The following LSAMP variants were observed in gnomAD, a reference collection of about 807,000 sequenced individuals.
LSAMP encodes limbic system associated membrane protein.
LSAMP carries 7 observed loss-of-function variants against 38.6 expected under a neutral mutation model. The observed-to-expected ratio is 0.18, with a 90% CI of 0.10 to 0.34. LSAMP has a LOEUF of 0.34. LSAMP is among the 10% of genes least tolerant of loss of function. The probability of loss-of-function intolerance (pLI) is 1.00; values close to 1 mark genes in which losing one functional copy is unlikely to be tolerated. For synonymous variants in LSAMP, 154 were observed against 166.8 expected (o/e 0.92, Z 0.59); for missense variants, 313 against 420.0 (o/e 0.75, Z 2.23).
At chr3:115,909,964 G>A (rs936862167) in intron 3 of LSAMP, among the ~76,000 whole-genome samples, 1 of 152,052 alleles carries the variant, frequency 6.6e-6, no homozygotes, top group Non-Finnish European at 1.5e-5. Flanking sequence ...GTTATTTTGG[G>A]CTTGCAAATT....
At chr3:116,411,046 C>G (rs1436059985) in intron 1 of LSAMP, among the ~76,000 whole-genome samples, 1 of 152,060 alleles carries the variant, frequency 6.6e-6, no homozygotes, top group Non-Finnish European at 1.5e-5. Context: ...CACTGGCCAT[C>G]AGAGAAATGC....
chr3:116,329,117 G>A (rs1286101326), intron 1 of LSAMP, among the ~76,000 whole-genome samples: 3 of 152,146 alleles, frequency 2.0e-5, no homozygotes, highest in African/African-American at 7.2e-5. Context: ...TTGCCTGTAG[G>A]TAGAATTTAA....
At chr3:115,827,789 T>C (rs1189682137) in intron 6 of LSAMP, among the ~76,000 whole-genome samples, 1 of 152,132 alleles carries the variant, frequency 6.6e-6, no homozygotes. Context: ...TCTCAGTACA[T>C]AGGAACACCT....
chr3:115,996,797 A>C (rs950987895), intron 3 of LSAMP, among the ~76,000 whole-genome samples: 1 of 152,090 alleles, frequency 6.6e-6, no homozygotes, highest in Non-Finnish European at 1.5e-5. Context: ...GGCTCCCTTC[A>C]AGTTATCAAG....
chr3:116,003,024 T>G (rs572562290), intron 3 of LSAMP, among the ~76,000 whole-genome samples: 1 of 152,100 alleles, frequency 6.6e-6, no homozygotes, highest in Non-Finnish European at 1.5e-5. Flanking sequence ...CTTCAGAAAT[T>G]TTAATGGAGG....
At chr3:116,435,181 G>C (rs1040175041) in intron 1 of LSAMP, among the ~76,000 whole-genome samples, 1 of 152,076 alleles carries the variant, frequency 6.6e-6, no homozygotes, top group Non-Finnish European at 1.5e-5. Context: ...GTCATCCCTG[G>C]GTTACTATAG....
chr3:115,944,829 C>T (rs1011180483), intron 3 of LSAMP, among the ~76,000 whole-genome samples: 9 of 152,164 alleles, frequency 5.9e-5, no homozygotes, highest in Admixed American at 1.3e-4. Flanking sequence ...TATGGTATAG[C>T]GCCTCTCTCC....
At chr3:116,025,136 G>T (rs1489326262) in intron 2 of LSAMP, among the ~76,000 whole-genome samples, 2 of 151,992 alleles carry the variant, frequency 1.3e-5, no homozygotes, top group African/African-American at 4.8e-5. Context: ...CAGCATTGTA[G>T]TACTCTGTGT....
intron 1 of LSAMP, among the ~76,000 whole-genome samples, chr3:116,318,195 C>A (rs1203017662): frequency 4.6e-5 from 7 of 151,108 alleles, no homozygotes; most frequent in African/African-American, 1.7e-4. Context: ...CTGATCATGG[C>A]AAAGTGTGTC....
intron 1 of LSAMP, among the ~76,000 whole-genome samples, chr3:116,222,677 T>C (rs78393614): frequency 1.5e-3 from 229 of 148,326 alleles, no homozygotes; most frequent in African/African-American, 5.2e-3. Context: ...ATCAACATCT[T>C]CTTTGAGTCT....
At chr3:116,316,257 T>G (rs2047628109) in intron 1 of LSAMP, among the ~76,000 whole-genome samples, 1 of 152,132 alleles carries the variant, frequency 6.6e-6, no homozygotes, top group Non-Finnish European at 1.5e-5. Flanking sequence ...CTACTAATCA[T>G]TAGTAGTTAT....
chr3:116,078,916 A>G (rs193257630), intron 2 of LSAMP, among the ~76,000 whole-genome samples: 1 of 152,084 alleles, frequency 6.6e-6, no homozygotes, highest in African/African-American at 2.4e-5. Flanking sequence ...ACCAACATGA[A>G]GATGCTAAGT....
intron 1 of LSAMP, among the ~76,000 whole-genome samples, chr3:116,275,097 G>C (rs2047031147): frequency 6.6e-6 from 1 of 152,022 alleles, no homozygotes; most frequent in African/African-American, 2.4e-5. Flanking sequence ...CTGTCACTAA[G>C]GCTGTAATGC....
intron 6 of LSAMP, among the ~76,000 whole-genome samples, chr3:115,811,113 G>A (rs1933815715): frequency 6.6e-6 from 1 of 152,182 alleles, no homozygotes; most frequent in Non-Finnish European, 1.5e-5. Flanking sequence ...CACCTAGAGA[G>A]GTTGAGAGGC....
intron 1 of LSAMP, among the ~76,000 whole-genome samples, chr3:116,303,500 G>C (rs984117819): frequency 2.0e-5 from 3 of 152,084 alleles, no homozygotes; most frequent in African/African-American, 7.2e-5. Context: ...TCAGTGTCTA[G>C]TATCTCTGAG....
At chr3:116,408,589 G>A (rs2048928835) in intron 1 of LSAMP, among the ~76,000 whole-genome samples, 2 of 152,008 alleles carry the variant, frequency 1.3e-5, no homozygotes, top group Admixed American at 6.6e-5. Flanking sequence ...ACTATGGGCA[G>A]AGTAAAAATA....
intron 1 of LSAMP, among the ~76,000 whole-genome samples, chr3:116,290,716 C>T (rs925418436): frequency 2.8e-5 from 4 of 145,354 alleles, no homozygotes; most frequent in African/African-American, 5.1e-5. Flanking sequence ...GGTGACAGAG[C>T]GAGACTCTGT....
intron 1 of LSAMP, among the ~76,000 whole-genome samples, chr3:116,108,080 A>C (rs981774974): frequency 2.0e-5 from 3 of 152,084 alleles, no homozygotes; most frequent in African/African-American, 7.2e-5. Context: ...GAGCGGGGTA[A>C]GGGTGATTAG....
chr3:116,235,139 G>C (rs1002112865), intron 1 of LSAMP, among the ~76,000 whole-genome samples: 1 of 127,502 alleles, frequency 7.8e-6, no homozygotes, highest in African/African-American at 2.7e-5. Context: ...GCTAAAGTGT[G>C]TTTTTATTAA....
Sources: gnomAD v4.1 joint callset for allele counts (sites outside exome capture counted in the v4.1 genomes callset) on GRCh38, gnomAD v4.1.1 for gene constraint, MANE v1.5 for transcripts, NCBI Gene and HGNC (gene_info 2026-07-23, HGNC 2026-07-21) for gene names.